TWIST2: variants seen among roughly 807,000 people sequenced by gnomAD.
TWIST2 encodes twist family bHLH transcription factor 2, also known as twist-related protein 2.
Under a neutral mutation model 11.6 loss-of-function variants are expected in TWIST2, and 1 was observed. The ratio of observed to expected loss-of-function variants is 0.09; its 90% CI spans 0.03 to 0.41. The LOEUF (loss-of-function observed/expected upper bound fraction) is 0.41. TWIST2 is among the 10% of genes least tolerant of loss of function. The pLI is 0.98. For missense variants in TWIST2, 168 were observed against 226.4 expected, an observed-to-expected ratio of 0.74 and a Z score of 1.66; for synonymous variants, 87 against 96.6, an observed-to-expected ratio of 0.90 and a Z score of 0.58.
intron 1 of TWIST2, among the ~76,000 whole-genome samples, chr2:238,901,896 G>C (rs1693272524): frequency 6.6e-6 from 1 of 152,184 alleles, no homozygotes; most frequent in Non-Finnish European, 1.5e-5. Context: ...GGAAGCCCAG[G>C]GTTGAGGGTG....
chr2:238,900,419 T>A (rs1693255245), intron 1 of TWIST2, among the ~76,000 whole-genome samples: 1 of 152,178 alleles, frequency 6.6e-6, no homozygotes, highest in South Asian at 2.1e-4. Flanking sequence ...CTCTCAAGAT[T>A]TTCCTTACAG....
intron 1 of TWIST2, among the ~76,000 whole-genome samples, chr2:238,887,967 G>T (rs924106851): frequency 6.6e-6 from 1 of 152,198 alleles, no homozygotes; most frequent in Non-Finnish European, 1.5e-5. Context: ...GCCGCCTCTC[G>T]TGTTGTCCTG....
chr2:238,890,279 C>T (rs538213579), intron 1 of TWIST2, among the ~76,000 whole-genome samples: 4 of 152,232 alleles, frequency 2.6e-5, no homozygotes, highest in African/African-American at 4.8e-5. Context: ...TCCCCACAGA[C>T]GCTGACCGCT....
chr2:238,866,377 G>T lies in TWIST2; in HGVS notation c.*35+17644G>T, dbSNP rs1193808344. 6.6e-6 allele frequency among the ~76,000 whole-genome samples: 1 copy of T among 152,168 alleles called. No homozygotes were observed. The highest frequency in any genetic ancestry group is 2.1e-4 in the South Asian group (1 of 4,816). On this transcript the variant is annotated intron_variant, in intron 1 of 1. Transcript: ENST00000612363. The surrounding 1 kb of genome is among the most constrained non-coding windows in gnomAD (Gnocchi z 4.9). Reference sequence around the variant, plus strand: ...CTTGTTCTTAAAGCATGGCACCTTCGGCCAGGCACAGTGGCTCACACCTGT... The same window carrying T: ...CTTGTTCTTAAAGCATGGCACCTTCTGCCAGGCACAGTGGCTCACACCTGT...
intron 1 of TWIST2, among the ~76,000 whole-genome samples, chr2:238,852,678 C>CAT (rs1174590794): frequency 3.3e-4 from 50 of 152,008 alleles, no homozygotes; most frequent in African/African-American, 9.9e-4. Context: ...CGCACATGCA[C>CAT]GTGCACACAC....
At chr2:238,896,303 C>T (rs1369894873) in intron 1 of TWIST2, among the ~76,000 whole-genome samples, 2 of 152,208 alleles carry the variant, frequency 1.3e-5, no homozygotes, top group Non-Finnish European at 1.5e-5. Flanking sequence ...GCAGAAAGCA[C>T]GGGAGACGTC....
intron 1 of TWIST2, among the ~76,000 whole-genome samples, chr2:238,882,200 C>G (rs1314086331): frequency 1.3e-5 from 2 of 152,278 alleles, no homozygotes; most frequent in Non-Finnish European, 2.9e-5. Context: ...CTGGGGGGCT[C>G]TTTTCCCTCC....
Position 238,889,890 on chromosome 2 carries a change from T to C in TWIST2, c.*36-19952T>C, listed in dbSNP as rs1274097816. Among the ~76,000 whole-genome samples the C allele has an allele frequency of 2.6e-5, 4 of 152,152 alleles. No homozygotes were observed. The East Asian group carries it at 7.7e-4, about 29-fold the overall frequency. On this transcript the variant is annotated intron_variant, in intron 1 of 1. Transcript: ENST00000612363. ...GAGAAATGGATTGCCAAGGATGATA[T>C]ATAAGTGTAAGAACCCACATGTCGG...
chr2:238,850,725 A>C (rs1692227499), intron 1 of TWIST2, among the ~76,000 whole-genome samples: 2 of 152,260 alleles, frequency 1.3e-5, no homozygotes, highest in Admixed American at 1.3e-4. Context: ...TTTGGAAAAA[A>C]GCCCTTGAAA....
chr2:238,872,734 C>A (rs1437069173), intron 1 of TWIST2, among the ~76,000 whole-genome samples: 1 of 152,220 alleles, frequency 6.6e-6, no homozygotes. Flanking sequence ...AAACCCCTGG[C>A]ACCAGGACGA....
At chr2:238,906,793 G>A (rs1253776120) in intron 1 of TWIST2, among the ~76,000 whole-genome samples, 2 of 152,120 alleles carry the variant, frequency 1.3e-5, no homozygotes, top group African/African-American at 4.8e-5. Context: ...CCTGGCGGCC[G>A]CCTTGGGGAG....
chr2:238,850,472 A>G (rs1166348670), intron 1 of TWIST2, among the ~76,000 whole-genome samples: 1 of 152,250 alleles, frequency 6.6e-6, no homozygotes, highest in Admixed American at 6.5e-5. Context: ...AAACACACAC[A>G]TTGAGCCGTG....
chr2:238,848,750 C>G lies in TWIST2; in HGVS notation c.*35+17C>G, dbSNP rs1574742599. The G allele has an allele frequency of 1.0e-5, 14 of 1,338,488 alleles. No individual in the cohort carries two copies. Among genetic ancestry groups the G allele is most frequent in the Non-Finnish European group, 1.3e-5 (14 of 1,051,722 alleles). 82.9% of individuals were successfully genotyped at this position (1,338,488 alleles called of 1,614,324 possible). Reference sequence around the variant, plus strand: ...CGCGCCAGGGTAGGTGCTGCGCGCGCGACGGGCGCCCTCCGCTGCGGGGGG... The same window carrying G: ...CGCGCCAGGGTAGGTGCTGCGCGCGGGACGGGCGCCCTCCGCTGCGGGGGG... On this transcript the variant is annotated intron_variant, in intron 1 of 1. Coordinates refer to ENST00000612363, the MANE Select transcript of TWIST2 (RefSeq NM_001271893.4).
chr2:238,905,316 C>G (rs1313529449), intron 1 of TWIST2, among the ~76,000 whole-genome samples: 3 of 152,172 alleles, frequency 2.0e-5, no homozygotes, highest in Non-Finnish European at 4.4e-5. Context: ...CAGGCAGATA[C>G]AGGGAGGTAA....
At chr2:238,860,219 G>T (rs190816146) in intron 1 of TWIST2, among the ~76,000 whole-genome samples, 182 of 152,338 alleles carry the variant, frequency 1.2e-3, no homozygotes, top group African/African-American at 4.3e-3. Context: ...GTGTGTGCAG[G>T]TGCTGCTCCC....
At chr2:238,850,095 C>T (rs972710200) in intron 1 of TWIST2, among the ~76,000 whole-genome samples, 1 of 152,180 alleles carries the variant, frequency 6.6e-6, no homozygotes, top group African/African-American at 2.4e-5. Context: ...TGATCCAGCA[C>T]AGGTGGGTTT....
intron 1 of TWIST2, chr2:238,887,004 T>G (rs1202002762): frequency 2.0e-5 from 3 of 152,110 alleles, no homozygotes; most frequent in African/African-American, 7.2e-5. Context: ...TGGAGTTGTT[T>G]TTTCAAGTTC....
chr2:238,891,952 G>A (rs547863785), intron 1 of TWIST2, among the ~76,000 whole-genome samples: 1 of 152,302 alleles, frequency 6.6e-6, no homozygotes, highest in East Asian at 1.9e-4. Flanking sequence ...CGCAAGGCGG[G>A]ACCACTGAAA....
chr2:238,909,210 G>GA (rs1693412183), intron 1 of TWIST2, among the ~76,000 whole-genome samples: 1 of 1,252 alleles, frequency 8.0e-4, no homozygotes, highest in African/African-American at 3.9e-3. Flanking sequence ...GTGTGTATGT[G>GA]GGGTGGGGTG....
Sources: allele counts gnomAD v4.1 joint callset (sites outside exome capture counted in the v4.1 genomes callset), GRCh38; gene constraint gnomAD v4.1.1; non-coding constraint Gnocchi (gnomAD v3.1); transcripts MANE v1.5; gene names NCBI Gene and HGNC (gene_info 2026-07-23, HGNC 2026-07-21).